TNRC6C: variants seen among roughly 807,000 people sequenced by gnomAD.
The protein encoded by TNRC6C is trinucleotide repeat-containing gene 6C protein.
TNRC6C carries 20 observed loss-of-function variants against 153.7 expected under a neutral mutation model. That is an observed-to-expected ratio of 0.13 (90% CI 0.09 to 0.19). The LOEUF (loss-of-function observed/expected upper bound fraction) is 0.19, where lower values mean the gene tolerates loss of function less well. TNRC6C is among the 10% of genes least tolerant of loss of function. The pLI, the probability that TNRC6C is intolerant of heterozygous loss-of-function variation, is 1.00. For missense variants in TNRC6C, 1,987 were observed against 2,172.0 expected (o/e 0.91, Z 1.69); for synonymous variants, 811 against 841.4 (o/e 0.96, Z 0.63).
intron 1 of TNRC6C, among the ~76,000 whole-genome samples, chr17:78,010,753 C>T (rs2071612335): frequency 6.6e-6 from 1 of 152,020 alleles, no homozygotes; most frequent in Non-Finnish European, 1.5e-5. Context: ...GTTTATTTTA[C>T]TGTTAAATTC....
At chr17:78,059,883 G>GC (rs1165572822) in intron 3 of TNRC6C, among the ~76,000 whole-genome samples, 1 of 151,420 alleles carries the variant, frequency 6.6e-6, no homozygotes, top group Non-Finnish European at 1.5e-5. Context: ...AATATAGTGT[G>GC]CCCCCCGCCA....
At chr17:78,076,215 C>CA (rs1171743430) in intron 8 of TNRC6C, among the ~76,000 whole-genome samples, 68 of 103,528 alleles carry the variant, frequency 6.6e-4, no homozygotes, top group Middle Eastern at 5.3e-3. Context: ...TACTCTGTCT[C>CA]AAAAAAAAAA....
rs565467722 is a variant in TNRC6C, at chr17:77,968,526, G to A, written c.-38+9258G>A. Among the ~76,000 whole-genome samples the A allele has an allele frequency of 2.6e-5, 4 of 151,680 alleles. No homozygotes were observed. The South Asian group carries it at 8.3e-4, about 32-fold the overall frequency. On this transcript the variant is annotated intron_variant, in intron 1 of 22. Coordinates refer to the TNRC6C transcript ENST00000636222. Reference sequence around the variant, plus strand: ...CCAGCTAATTTTTGTATTTTTAGTAGAGACAGGGTTTCACCATGTTGGCCA... The same window carrying A: ...CCAGCTAATTTTTGTATTTTTAGTAAAGACAGGGTTTCACCATGTTGGCCA...
chr17:78,025,348 A>G (rs968979000), intron 1 of TNRC6C, among the ~76,000 whole-genome samples: 6 of 152,206 alleles, frequency 3.9e-5, no homozygotes, highest in African/African-American at 9.7e-5. Context: ...GATTTTCTAC[A>G]TACTGTACTT....
chr17:77,961,358 G>A (rs1380931634), intron 1 of TNRC6C, among the ~76,000 whole-genome samples: 2 of 152,150 alleles, frequency 1.3e-5, no homozygotes, highest in East Asian at 1.9e-4. Flanking sequence ...GTTTTGCCAT[G>A]TTGGCCAGGC....
exon 19 of TNRC6C, chr17:78,103,462 A>G: frequency 6.2e-7 from 1 of 1,614,020 alleles, no homozygotes. Flanking sequence ...TGGGCCTCTT[A>G]TCACATTCCA....
At chr17:78,077,187 TGGC>T in exon 9 of TNRC6C, 2 of 1,600,006 alleles carry the variant, frequency 1.3e-6, no homozygotes, top group Non-Finnish European at 1.7e-6. Context: ...CCAATCAGGA[TGGC>T]GGCCTCGTGG....
At position 78,093,293 on chromosome 17, in the gene TNRC6C, G is replaced by A. The variant is rs2073425602; in HGVS notation, c.4162+169G>A. On this transcript the variant is annotated intron_variant, in intron 15 of 19. Transcript: ENST00000301624. ...AATCCATTTGTCAGATCAATTTTGG[G>A]TATGGTTAGCATCAGGCATTTTTCT... is the stretch of plus-strand genomic sequence containing the variant. The A allele has an allele frequency of 4.8e-6, 4 of 838,290 alleles. No homozygotes were observed. In the South Asian group the frequency reaches 7.3e-5, roughly 15 times the overall value. The allele number at this position is 838,290 out of a possible 1,614,324, so 51.9% of individuals were successfully genotyped here. A position where few individuals can be genotyped will look rare whatever the true frequency, so the allele number is the denominator to read the frequency against.
chr17:78,049,110 G>T lies in TNRC6C; in HGVS notation c.48G>T (p.Lys16Asn). Residue 16 changes from lysine (K) to asparagine (N), a missense_variant, in exon 3 of 20, where the codon AAG (lysine) becomes AAT (asparagine). Coordinates refer to ENST00000301624, the Ensembl canonical transcript of TNRC6C. The surrounding 1 kb of genome is among the most constrained non-coding windows in gnomAD (Gnocchi z 4.1). ...GCAACTTCACTGGACATACCAAGAA[G>T]ACAAATGGCAATAATGGCACCAATG... 1 of 1,582,690 alleles carries T rather than the reference G, an allele frequency of 6.3e-7. No homozygotes were observed. Among genetic ancestry groups the T allele is most frequent in the South Asian group, 1.2e-5 (1 of 84,762 alleles).
exon 2 of TNRC6C, chr17:78,031,660 C>T (rs1344049696): frequency 2.4e-6 from 3 of 1,232,472 alleles, no homozygotes; most frequent in African/African-American, 1.5e-5. Flanking sequence ...CGTTACCTGC[C>T]TCGTGAGGTG....
In TNRC6C at chr17:78,104,553, C is replaced by T; in HGVS notation, c.4781C>T (p.Ala1594Val). The change falls in exon 20 of 20, where the codon GCC becomes GTC. Residue 1594 changes from alanine (A) to valine (V), a missense_variant. Physicochemically the swap from Ala to Val is moderately conservative, Grantham distance 64 (BLOSUM62 0). Around this residue, in one of 4 missense-constraint regions of TNRC6C, gnomAD observed 139 missense variants for 148.5 expected, o/e 0.94. Transcript: ENST00000301624. The surrounding 1 kb of genome is among the most constrained non-coding windows in gnomAD (Gnocchi z 6.2). The stretch of plus-strand genomic sequence containing the variant: ...GAAGAAGAAGTGAATCGCTTCTTAG[C>T]CCAAGGCCAGGCGCTGCCACCCACT... The T allele has an allele frequency of 6.4e-7, 1 of 1,553,456 alleles. No individual in the cohort carries two copies.
chr17:78,049,900 A>G lies in TNRC6C; in HGVS notation c.838A>G (p.Lys280Glu). The G allele has an allele frequency of 6.2e-7, 1 of 1,614,064 alleles. No individual in the cohort carries two copies. Among genetic ancestry groups the G allele is most frequent in the Non-Finnish European group, 8.5e-7 (1 of 1,179,892 alleles). The stretch of plus-strand genomic sequence containing the variant: ...CACTGTGAACTCAGCATTAAGTGCT[A>G]AACAAAATGGATCCAGCAGTGCTGT... Residue 280 changes from lysine (K) to glutamate (E), a missense_variant, in exon 3 of 20, where the codon AAA becomes GAA. Coordinates refer to ENST00000301624, the Ensembl canonical transcript of TNRC6C. This position sits in a 1 kb window ranked among gnomAD's most constrained non-coding sequence, Gnocchi z 4.1.
intron 1 of TNRC6C, among the ~76,000 whole-genome samples, chr17:77,971,298 C>A (rs945841105): frequency 6.6e-6 from 1 of 152,152 alleles, no homozygotes; most frequent in Non-Finnish European, 1.5e-5. Context: ...AGATCAAATT[C>A]TAAATTTCCT....
intron 16 of TNRC6C, 139 bp downstream of exon 18, chr17:78,093,902 C>A: frequency 1.0e-6 from 1 of 987,692 alleles, no homozygotes; most frequent in Admixed American, 3.0e-5. Context: ...TCACCTGAAG[C>A]AGCATGAAAA....
At chr17:78,054,419 C>A (rs891320422) in intron 3 of TNRC6C, among the ~76,000 whole-genome samples, 3 of 149,106 alleles carry the variant, frequency 2.0e-5, no homozygotes, top group East Asian at 3.9e-4. Context: ...CTACTATACA[C>A]CACTGCAGAC....
chr17:78,035,137 C>T (rs1011928957), intron 2 of TNRC6C, among the ~76,000 whole-genome samples: 2 of 152,188 alleles, frequency 1.3e-5, no homozygotes, highest in Non-Finnish European at 2.9e-5. Flanking sequence ...ATTTCTGACT[C>T]AGACACCATT....
intron 3 of TNRC6C, among the ~76,000 whole-genome samples, chr17:78,057,587 C>T (rs1017054672): frequency 1.3e-5 from 2 of 152,222 alleles, no homozygotes; most frequent in African/African-American, 2.4e-5. Flanking sequence ...TGAATGCCTG[C>T]GCAGCTTTCC....
At chr17:77,959,434 G>A (rs1484988925) in intron 1 of TNRC6C, among the ~76,000 whole-genome samples, 166 bp downstream of exon 1, 1 of 151,130 alleles carries the variant, frequency 6.6e-6, no homozygotes, top group Admixed American at 6.6e-5. Context: ...GGCGGGAAGC[G>A]GCCGGGGCCG....
chr17:78,097,707 C>T lies in TNRC6C; in HGVS notation c.4307-636C>T, dbSNP rs201771213. On this transcript the variant is annotated intron_variant, in intron 16 of 19. Coordinates refer to ENST00000301624, the Ensembl canonical transcript of TNRC6C. ...CAGTTAGAGTCATGAACCCGGACAC[C>T]GCCACCACCTTGCTCAGTGCCGTGT... 2,116 of 1,453,190 alleles carry T rather than the reference C, an allele frequency of 1.5e-3. 47 individuals carry two copies. The South Asian group carries it at 0.026, about 18-fold the overall frequency. 90.0% of individuals were successfully genotyped at this position (1,453,190 alleles called of 1,614,324 possible). A position where few individuals can be genotyped will look rare whatever the true frequency, so the allele number is the denominator to read the frequency against.
Sources: allele counts gnomAD v4.1 joint callset (sites outside exome capture counted in the v4.1 genomes callset), GRCh38; gene constraint gnomAD v4.1.1; regional missense constraint gnomAD v4.1.1; non-coding constraint Gnocchi (gnomAD v3.1); transcripts MANE v1.5; gene names NCBI Gene and HGNC (gene_info 2026-07-23, HGNC 2026-07-21).